Variants in ZNF592 observed in about 807,000 individuals in gnomAD.
The protein encoded by ZNF592 is zinc finger protein 592.
Under a neutral mutation model 80.3 loss-of-function variants are expected in ZNF592, and 11 were observed. The ratio of observed to expected loss-of-function variants is 0.14; its 90% confidence interval spans 0.09 to 0.23. The LOEUF (loss-of-function observed/expected upper bound fraction) is 0.23. Among genes scored for constraint, ZNF592 ranks in the 10% least tolerant of loss-of-function variants. ZNF592 has a pLI of 1.00. For synonymous variants in ZNF592, 646 were observed against 640.3 expected, an observed-to-expected ratio of 1.01 and a Z score of -0.13; for missense variants, 1,420 against 1,633.9, an observed-to-expected ratio of 0.87 and a Z score of 2.26.
At chr15:84,775,879 C>A (rs1281768593) in intron 2 of ZNF592, among the ~76,000 whole-genome samples, 3 of 152,178 alleles carry the variant, frequency 2.0e-5, no homozygotes, top group African/African-American at 7.2e-5. Flanking sequence ...GTAGTAGACT[C>A]TGTAATAAAC....
intron 5 of ZNF592, among the ~76,000 whole-genome samples, chr15:84,795,837 C>T (rs1962879280): frequency 6.6e-6 from 1 of 152,112 alleles, no homozygotes; most frequent in African/African-American, 2.4e-5. Flanking sequence ...CCGTGGGCTG[C>T]TCTTCATTGC....
intron 1 of ZNF592, among the ~76,000 whole-genome samples, chr15:84,764,296 C>T (rs1050558873): frequency 6.6e-6 from 1 of 152,170 alleles, no homozygotes; most frequent in African/African-American, 2.4e-5. Context: ...TGGCATAATG[C>T]TTAACAAACA....
rs186356611 is a variant in ZNF592, at chr15:84,780,435, C to T, written c.-20+2123C>T. Among the ~76,000 whole-genome samples, 134 of 152,304 alleles carry T rather than the reference C, an allele frequency of 8.8e-4. 1 individual carries two copies. Among genetic ancestry groups the T allele is most frequent in the Non-Finnish European group, 8.4e-4 (57 of 68,028 alleles). On this transcript the variant is annotated intron_variant, in intron 3 of 10. Coordinates refer to ENST00000560079, the MANE Select transcript of ZNF592 (RefSeq NM_014630.3). ...GAGTGCCCACTGTTTTCAGTGACATCCAGTATGTTCCCCTTGTTTATGGGT... is the reference window on the plus strand; with the variant it reads ...GAGTGCCCACTGTTTTCAGTGACATTCAGTATGTTCCCCTTGTTTATGGGT...
chr15:84,782,931 A>T lies in ZNF592; in HGVS notation c.256A>T (p.Ile86Phe), dbSNP rs756436525. The change falls in exon 4 of 11, where the codon ATT becomes TTT. Residue 86 changes from isoleucine to phenylalanine, a missense_variant. By Grantham distance (21) the Ile-to-Phe change is conservative (BLOSUM62 0). Coordinates refer to ENST00000560079, the MANE Select transcript of ZNF592 (RefSeq NM_014630.3). The part of the protein sequence containing the change: ...QESFEAEKDH[I>F]TPSLLHNGFR... ...GTCATTTGAAGCGGAGAAAGACCAC[A>T]TTACTCCCAGTCTCCTACACAATGG... 1.4e-5 allele frequency: 22 copies of T among 1,613,980 alleles called. No homozygotes were observed. The highest frequency in any genetic ancestry group is 1.9e-5 in the Non-Finnish European group (22 of 1,180,018).
chr15:84,748,972 C>T (rs1239403182), intron 1 of ZNF592, among the ~76,000 whole-genome samples: 1 of 151,966 alleles, frequency 6.6e-6, no homozygotes, highest in African/African-American at 2.4e-5. Flanking sequence ...CTGGGCGGGA[C>T]GTGCGGCCGC....
intron 1 of ZNF592, among the ~76,000 whole-genome samples, chr15:84,760,857 G>A (rs757423224): frequency 5.9e-5 from 9 of 152,212 alleles, no homozygotes; most frequent in Admixed American, 1.3e-4. Context: ...CAAGACCAGT[G>A]AGGGGCAGCT....
At position 84,784,297 on chromosome 15, in the gene ZNF592, T is replaced by C. The variant is rs1376014877; in HGVS notation, c.1622T>C (p.Val541Ala). The C allele has an allele frequency of 6.2e-7, 1 of 1,614,086 alleles. No homozygotes were observed. Among genetic ancestry groups the C allele is most frequent in the Non-Finnish European group, 8.5e-7 (1 of 1,180,026 alleles). ...CTTACACAAATGTCGGTGCCCCTGG[T>C]CCACCAGGTGAAAAAGGCTGCCCCA... ...PQLTQMSVPL[V>A]HQVKKAAPLI... is the part of the protein sequence containing the mutation. The change falls in exon 4 of 11, where the codon GTC becomes GCC. Residue 541 changes from valine (V) to alanine (A), a missense_variant. Physicochemically the swap from Val to Ala is moderately conservative, Grantham distance 64. This residue lies in a region of ZNF592 where 524 missense variants were observed against 628.3 expected (regional missense o/e 0.83). Coordinates refer to ENST00000560079, the MANE Select transcript of ZNF592 (RefSeq NM_014630.3). This position sits in a 1 kb window ranked among gnomAD's most constrained non-coding sequence, Gnocchi z 5.8.
intron 2 of ZNF592, among the ~76,000 whole-genome samples, chr15:84,773,298 G>T (rs999221749): frequency 6.8e-6 from 1 of 147,980 alleles, no homozygotes; most frequent in African/African-American, 2.5e-5. Flanking sequence ...TGCAAGCTCC[G>T]CCTCCCGGGT....
intron 2 of ZNF592, among the ~76,000 whole-genome samples, chr15:84,773,773 G>A (rs1392026745): frequency 6.6e-6 from 1 of 151,682 alleles, no homozygotes; most frequent in Non-Finnish European, 1.5e-5. Context: ...AATTTTTAGG[G>A]TCTCATTAGA....
chr15:84,783,381 C>G lies in ZNF592; in HGVS notation c.706C>G (p.Arg236Gly), dbSNP rs1429438877. The G allele has an allele frequency of 6.2e-7, 1 of 1,614,090 alleles. No individual in the cohort carries two copies. The highest frequency in any genetic ancestry group is 1.3e-5 in the African/African-American group (1 of 74,942). The change falls in exon 4 of 11, where the codon CGA becomes GGA. Residue 236 changes from arginine to glycine, a missense_variant. Transcript: ENST00000560079. The surrounding 1 kb of genome is among the most constrained non-coding windows in gnomAD (Gnocchi z 5.0). ...ACCTCACAAGGATCCGGATGCCACT[C>G]GATTCTTCGGGGAAGCTTTGGAGTT... ...VEPHKDPDAT[R>G]FFGEALEFNS...
At chr15:84,771,287 A>C (rs569628461) in intron 2 of ZNF592, among the ~76,000 whole-genome samples, 2 of 152,200 alleles carry the variant, frequency 1.3e-5, no homozygotes. Flanking sequence ...GGAGGAGGGC[A>C]GAGCACTGGA....
chr15:84,758,146 A>T (rs28455959), intron 1 of ZNF592, among the ~76,000 whole-genome samples: 72 of 138,774 alleles, frequency 5.2e-4, no homozygotes, highest in African/African-American at 1.9e-3. Context: ...CTAATTTTTT[A>T]TTTTTTTTAG....
intron 5 of ZNF592, among the ~76,000 whole-genome samples, chr15:84,796,292 TATAAAA>T (rs1567076432): frequency 6.2e-4 from 31 of 49,722 alleles, no homozygotes; most frequent in African/African-American, 1.0e-3. Context: ...TATATATATA[TATAAAA>T]AAACGAAGGG....
At chr15:84,765,201 C>T (rs1287569792) in intron 2 of ZNF592, among the ~76,000 whole-genome samples, 2 of 152,104 alleles carry the variant, frequency 1.3e-5, no homozygotes, top group Non-Finnish European at 2.9e-5. Flanking sequence ...TCAGAATTTC[C>T]TTCCTTTTTA....
chr15:84,761,936 A>G (rs938057478), intron 1 of ZNF592, among the ~76,000 whole-genome samples: 2 of 152,196 alleles, frequency 1.3e-5, no homozygotes, highest in Admixed American at 1.3e-4. Flanking sequence ...TTCTGAAAGT[A>G]TTTCTGAATG....
intron 1 of ZNF592, among the ~76,000 whole-genome samples, chr15:84,749,670 AG>A (rs2141954069): frequency 6.6e-6 from 1 of 152,288 alleles, no homozygotes; most frequent in East Asian, 1.9e-4. Context: ...GAGGGCCTGT[AG>A]GGTGCTTCTG....
chr15:84,771,471 A>G lies in ZNF592; in HGVS notation c.-150+6656A>G, dbSNP rs567217738. Among the ~76,000 whole-genome samples, 710 of 152,238 alleles carry G rather than the reference A, an allele frequency of 4.7e-3. 5 individuals are homozygous for G. Among genetic ancestry groups the G allele is most frequent in the Non-Finnish European group, 5.9e-3 (400 of 68,006 alleles). On this transcript the variant is annotated intron_variant, in intron 2 of 10. Transcript: ENST00000560079. ...CACGAGAAAGTGTGAGAGAACCACCACTGGGGTCAGAATGAAAGGTATCCT... is the reference window on the plus strand; with the variant it reads ...CACGAGAAAGTGTGAGAGAACCACCGCTGGGGTCAGAATGAAAGGTATCCT...
chr15:84,781,111 C>G (rs1435310956), intron 3 of ZNF592, among the ~76,000 whole-genome samples: 3 of 151,956 alleles, frequency 2.0e-5, no homozygotes, highest in Non-Finnish European at 2.9e-5. Context: ...GGCAGTGGTG[C>G]GATCTCTACT....
At chr15:84,788,136 G>A (rs1299444273) in intron 4 of ZNF592, among the ~76,000 whole-genome samples, 1 of 152,104 alleles carries the variant, frequency 6.6e-6, no homozygotes, top group South Asian at 2.1e-4. Context: ...ATGGAGGGTG[G>A]GGGTGGAGGG....
Sources: gnomAD v4.1 joint callset for allele counts (sites outside exome capture counted in the v4.1 genomes callset) on GRCh38, gnomAD v4.1.1 for gene constraint, gnomAD v4.1.1 regional missense constraint, Gnocchi (gnomAD v3.1) non-coding constraint, MANE v1.5 for transcripts, NCBI Gene and HGNC (gene_info 2026-07-23, HGNC 2026-07-21) for gene names.